The following CTPS1 variants were observed in gnomAD, a reference collection of about 807,000 sequenced individuals.
The protein encoded by CTPS1 is CTP synthetase 1.
In CTPS1, 25 loss-of-function variants were observed where a neutral mutation model predicts 80.5. That is an observed-to-expected ratio of 0.31 (90% CI 0.23 to 0.43). CTPS1 has a LOEUF of 0.43. Ranked by LOEUF, CTPS1 falls within the 20% of genes least tolerant of loss-of-function variation. The pLI, the probability that CTPS1 is intolerant of heterozygous loss-of-function variation, is 1.00. For synonymous variants in CTPS1, 267 were observed against 252.5 expected, an observed-to-expected ratio of 1.06 and a Z score of -0.54; for missense variants, 442 against 725.7, an observed-to-expected ratio of 0.61 and a Z score of 4.49.
chr1:40,992,980 G>A (rs1434601692), intron 7 of CTPS1, among the ~76,000 whole-genome samples: 5 of 147,598 alleles, frequency 3.4e-5, no homozygotes, highest in Admixed American at 2.0e-4. Flanking sequence ...AGGTGTGAGG[G>A]CGCCCGGCCT....
chr1:40,985,580 T>C (rs1642431244), intron 3 of CTPS1, among the ~76,000 whole-genome samples: 1 of 152,094 alleles, frequency 6.6e-6, no homozygotes, highest in African/African-American at 2.4e-5. Flanking sequence ...AAGGTGGGGA[T>C]GGAAAACTAC....
At chr1:40,995,606 C>G (rs763858364) in intron 7 of CTPS1, among the ~76,000 whole-genome samples, 25 of 152,056 alleles carry the variant, frequency 1.6e-4, no homozygotes, top group Non-Finnish European at 3.5e-4. Flanking sequence ...ACCATATTGC[C>G]CAGTCTGGTC....
chr1:40,984,738 T>C, intron 2 of CTPS1, 83 bp from the exon 3 acceptor site: 1 of 1,082,526 alleles, frequency 9.2e-7, no homozygotes, highest in Non-Finnish European at 1.3e-6. Context: ...ACCTTGTTAA[T>C]GAGTGTTTTA....
intron 7 of CTPS1, among the ~76,000 whole-genome samples, chr1:40,995,308 T>A (rs892725842): frequency 1.3e-5 from 2 of 152,000 alleles, no homozygotes; most frequent in Non-Finnish European, 2.9e-5. Context: ...AACCTCCAAC[T>A]CCCAGGCTCA....
At position 40,983,297 on chromosome 1, in the gene CTPS1, T is replaced by A. The variant is rs772880925; in HGVS notation, c.7T>A (p.Tyr3Asn). 5 of 1,613,000 alleles carry A rather than the reference T, an allele frequency of 3.1e-6. No homozygotes were observed. Among genetic ancestry groups the A allele is most frequent in the Non-Finnish European group, 4.2e-6 (5 of 1,179,532 alleles). The change falls in exon 2 of 19, where the codon TAC becomes AAC. Residue 3 changes from tyrosine to asparagine, a missense_variant. By Grantham distance (143) the Tyr-to-Asn change is moderately radical. Transcript: ENST00000650070. Reference protein sequence around the residue: MKYILVTGGVISG... With the variant: MKNILVTGGVISG... The stretch of plus-strand genomic sequence containing the variant: ...TTCCAGGTCAAAGAGTAAAATGAAG[T>A]ACATTCTGGTTACTGGTGGTGTTAT...
chr1:40,991,656 G>A (rs530062089), intron 6 of CTPS1, 109 bp from the exon 7 acceptor site: 4 of 713,572 alleles, frequency 5.6e-6, no homozygotes, highest in South Asian at 3.4e-5. Flanking sequence ...GAGAGTTAAC[G>A]TTTTCGTTCA....
chr1:40,998,115 G>A (rs1013441585), intron 9 of CTPS1, among the ~76,000 whole-genome samples: 1 of 152,090 alleles, frequency 6.6e-6, no homozygotes. Context: ...CATGGATGCC[G>A]TGGCTAGGCG....
intron 7 of CTPS1, 24 bp from the exon 8 acceptor site, chr1:40,995,893 A>C (rs1642740020): frequency 1.9e-6 from 3 of 1,602,528 alleles, no homozygotes; most frequent in African/African-American, 1.3e-5. Flanking sequence ...GCTTTTATTT[A>C]ATAACTTGCT....
intron 7 of CTPS1, among the ~76,000 whole-genome samples, chr1:40,994,485 T>C (rs1642703542): frequency 2.0e-5 from 3 of 152,264 alleles, no homozygotes; most frequent in Admixed American, 2.0e-4. Flanking sequence ...TTATATTTTC[T>C]GATTAGATAA....
Position 40,987,556 on chromosome 1 carries a change from A to T in CTPS1, c.438+84A>T. On this transcript the variant is annotated intron_variant, in intron 4 of 18. Coordinates refer to ENST00000650070, the MANE Select transcript of CTPS1 (RefSeq NM_001905.4). The stretch of plus-strand genomic sequence containing the variant: ...TAACTGATAAGACAGTTCCCAGTGG[A>T]GCCCTTGGCCTTCCTATCTCTGGTG... 1.0e-5 allele frequency: 10 copies of T among 992,128 alleles called. No homozygotes were observed. In the South Asian group the frequency reaches 1.4e-4, roughly 14 times the overall value. 61.5% of individuals were successfully genotyped at this position (992,128 alleles called of 1,614,324 possible).
chr1:41,009,838 G>A (rs1386688032), intron 17 of CTPS1, among the ~76,000 whole-genome samples: 1 of 152,162 alleles, frequency 6.6e-6, no homozygotes, highest in Non-Finnish European at 1.5e-5. Context: ...AGGACCCTCT[G>A]GTCCATGTTA....
At chr1:40,988,932 T>C (rs1043773169) in intron 5 of CTPS1, among the ~76,000 whole-genome samples, 5 of 152,212 alleles carry the variant, frequency 3.3e-5, no homozygotes, top group African/African-American at 7.2e-5. Context: ...CAGATGTAGA[T>C]TGGCCGTGTG....
chr1:40,989,927 TAGGAG>T (rs1642557878), intron 5 of CTPS1, among the ~76,000 whole-genome samples: 1 of 151,534 alleles, frequency 6.6e-6, no homozygotes. Flanking sequence ...AGATAGAAAA[TAGGAG>T]AGAAAAGGTA....
At chr1:40,985,406 T>A (rs1000611578) in intron 3 of CTPS1, among the ~76,000 whole-genome samples, 2 of 152,238 alleles carry the variant, frequency 1.3e-5, no homozygotes, top group Admixed American at 6.5e-5. Context: ...TTGTGTATAC[T>A]GGTTTCCAGG....
chr1:40,994,499 C>A (rs1642703699), intron 7 of CTPS1, among the ~76,000 whole-genome samples: 1 of 151,952 alleles, frequency 6.6e-6, no homozygotes, highest in Non-Finnish European at 1.5e-5. Flanking sequence ...TAGATAATAC[C>A]CCATGTGTAG....
intron 1 of CTPS1, chr1:40,980,690 T>A (rs1160536518): frequency 6.6e-6 from 1 of 152,366 alleles, no homozygotes; most frequent in Non-Finnish European, 1.5e-5. Flanking sequence ...GTTGAATTTC[T>A]CTGATGCGTC....
chr1:40,990,530 A>G (rs1479299259), intron 5 of CTPS1, among the ~76,000 whole-genome samples: 1 of 152,118 alleles, frequency 6.6e-6, no homozygotes, highest in African/African-American at 2.4e-5. Flanking sequence ...CACACCTGTT[A>G]TCTCAGCAGT....
intron 8 of CTPS1, 79 bp from the exon 9 acceptor site, chr1:40,997,315 C>T (rs1642779007): frequency 2.6e-6 from 4 of 1,514,122 alleles, no homozygotes; most frequent in African/African-American, 1.4e-5. Flanking sequence ...GGTTTTTTTT[C>T]CCTTGAAATA....
chr1:40,995,349 G>A (rs1340049259), intron 7 of CTPS1, among the ~76,000 whole-genome samples: 1 of 149,822 alleles, frequency 6.7e-6, no homozygotes, highest in Non-Finnish European at 1.5e-5. Flanking sequence ...CTCCCGAGTA[G>A]CTGGGACCAT....
Sources: allele counts gnomAD v4.1 joint callset (sites outside exome capture counted in the v4.1 genomes callset), GRCh38; gene constraint gnomAD v4.1.1; transcripts MANE v1.5; gene names NCBI Gene and HGNC (gene_info 2026-07-23, HGNC 2026-07-21).